FGF12: variants seen among roughly 807,000 people sequenced by gnomAD.
FGF12 encodes fibroblast growth factor 12B.
In FGF12, 14 loss-of-function variants were observed where a neutral mutation model predicts 23.6. That is an observed-to-expected ratio of 0.59 (90% CI 0.39 to 0.93). The LOEUF is 0.93. Among genes scored for constraint, FGF12 ranks in the 40% least tolerant of loss-of-function variants. The probability of loss-of-function intolerance (pLI) is 0.00; values close to 1 mark genes in which losing one functional copy is unlikely to be tolerated. For synonymous variants in FGF12, 62 were observed against 77.3 expected (o/e 0.80, Z 1.04); for missense variants, 175 against 217.8 (o/e 0.80, Z 1.24).
intron 2 of FGF12, among the ~76,000 whole-genome samples, chr3:192,393,233 C>T (rs1259462915): frequency 3.3e-5 from 5 of 152,166 alleles, no homozygotes; most frequent in East Asian, 1.9e-4. Context: ...CCGTGTTCTA[C>T]GTAAGGGACT....
chr3:192,666,118 A>T lies in FGF12; in HGVS notation c.13+61063T>A, dbSNP rs560835817. On this transcript the variant is annotated intron_variant, in intron 2 of 5. Transcript: ENST00000445105. ...CAAAACAATAGCTCTCAATTTGATA[A>T]CAATAGCTCTCAATTTGATAACAAT... Among the ~76,000 whole-genome samples, 4 of 152,366 alleles carry T rather than the reference A, an allele frequency of 2.6e-5. 1 individual carries two copies. The South Asian group carries it at 8.3e-4, about 32-fold the overall frequency.
chr3:192,320,465 G>T lies in FGF12; in HGVS notation c.228+14896C>A, dbSNP rs143945709. ...TTAATCTGCACTATAGATCAAATAG[G>T]CTTAATAAATACAGAGCATTCCATT... On this transcript the variant is annotated intron_variant, in intron 4 of 5. Coordinates refer to ENST00000445105, the MANE Select transcript of FGF12 (RefSeq NM_004113.6). Among the ~76,000 whole-genome samples the T allele has an allele frequency of 1.0e-3, 158 of 152,138 alleles. 1 individual carries two copies. The highest frequency in any genetic ancestry group is 3.6e-3 in the African/African-American group (151 of 41,540).
rs140817799 is a variant in FGF12, at chr3:192,273,368, T to C, written c.228+61993A>G. Among the ~76,000 whole-genome samples the C allele has an allele frequency of 2.7e-3, 408 of 152,184 alleles. 3 individuals carry two copies. Among genetic ancestry groups the C allele is most frequent in the African/African-American group, 9.4e-3 (390 of 41,536 alleles). On this transcript the variant is annotated intron_variant, in intron 4 of 5. Transcript: ENST00000445105. The stretch of plus-strand genomic sequence containing the variant: ...GGAGAAAGAAGAAAACTTCACAAAA[T>C]ACAAACTTGTTAAAAAATAAAGACA...
At chr3:192,230,168 G>A (rs1438661948) in intron 4 of FGF12, among the ~76,000 whole-genome samples, 11 of 152,058 alleles carry the variant, frequency 7.2e-5, no homozygotes, top group African/African-American at 2.2e-4. Flanking sequence ...TCACATGTAA[G>A]TTGGATGGAA....
intron 4 of FGF12, among the ~76,000 whole-genome samples, chr3:192,223,743 T>C (rs1289160089): frequency 1.3e-5 from 2 of 152,120 alleles, no homozygotes; most frequent in Admixed American, 6.6e-5. Context: ...TCAGTGCCCT[T>C]GGGGAGCTAT....
intron 2 of FGF12, among the ~76,000 whole-genome samples, chr3:192,473,024 C>T (rs534505400): frequency 6.6e-6 from 1 of 152,240 alleles, no homozygotes; most frequent in Admixed American, 6.5e-5. Flanking sequence ...CTCTTTAATG[C>T]CGTTTCTGTA....
chr3:192,386,661 T>C (rs1403162117), intron 2 of FGF12, among the ~76,000 whole-genome samples: 1 of 152,196 alleles, frequency 6.6e-6, no homozygotes, highest in Admixed American at 6.5e-5. Context: ...TTTTCTATTT[T>C]TCCTTCTACA....
chr3:192,553,712 A>T (rs923794865), intron 2 of FGF12, among the ~76,000 whole-genome samples: 1 of 152,156 alleles, frequency 6.6e-6, no homozygotes, highest in Non-Finnish European at 1.5e-5. Context: ...CCCGGCTCAG[A>T]GTTGTACAAT....
chr3:192,647,327 T>C (rs1716041832), intron 2 of FGF12, among the ~76,000 whole-genome samples: 2 of 152,082 alleles, frequency 1.3e-5, no homozygotes, highest in Admixed American at 1.3e-4. Flanking sequence ...TATTCATCAA[T>C]GAACTAGAAG....
chr3:192,497,626 C>T (rs73071856), intron 2 of FGF12, among the ~76,000 whole-genome samples: 6,272 of 152,252 alleles, frequency 0.041, 423 homozygotes, highest in African/African-American at 0.14. Flanking sequence ...TTTAAATATG[C>T]CAAGTTTTTT....
intron 4 of FGF12, among the ~76,000 whole-genome samples, chr3:192,317,099 G>A (rs892751263): frequency 3.3e-5 from 5 of 152,072 alleles, no homozygotes; most frequent in Admixed American, 1.3e-4. Context: ...GAGGCCACAG[G>A]CCTTGGGTGA....
intron 2 of FGF12, among the ~76,000 whole-genome samples, chr3:192,569,448 G>A (rs900419992): frequency 3.3e-5 from 5 of 152,170 alleles, no homozygotes; most frequent in Admixed American, 1.3e-4. Context: ...GCAAAGGAAC[G>A]TCTGGAGAAT....
Position 192,418,308 on chromosome 3 carries a change from C to T in FGF12, c.14-57770G>A, listed in dbSNP as rs182896591. ...AACAAACATAATTAATTAGAGTCTCCAAGCTGTATCTCTGGGGTGAGTTAG... is the reference window on the plus strand; with the variant it reads ...AACAAACATAATTAATTAGAGTCTCTAAGCTGTATCTCTGGGGTGAGTTAG... On this transcript the variant is annotated intron_variant, in intron 2 of 5. Transcript: ENST00000445105. 1.8e-3 allele frequency among the ~76,000 whole-genome samples: 280 copies of T among 152,206 alleles called. 1 individual carries two copies. The highest frequency in any genetic ancestry group is 3.1e-3 in the Admixed American group (48 of 15,282).
chr3:192,595,915 A>G (rs1360520727), intron 2 of FGF12, among the ~76,000 whole-genome samples: 1 of 151,884 alleles, frequency 6.6e-6, no homozygotes, highest in Admixed American at 6.6e-5. Context: ...CAACATGGTG[A>G]AACCCTGTTT....
At chr3:192,651,799 G>A (rs1461860991) in intron 2 of FGF12, among the ~76,000 whole-genome samples, 1 of 152,148 alleles carries the variant, frequency 6.6e-6, no homozygotes, top group African/African-American at 2.4e-5. Context: ...TGAGAGTTAG[G>A]ACCCTTTGAT....
chr3:192,270,671 C>CAG (rs1713374264), intron 4 of FGF12, among the ~76,000 whole-genome samples: 1 of 151,964 alleles, frequency 6.6e-6, no homozygotes, highest in Non-Finnish European at 1.5e-5. Flanking sequence ...AAATATGTTT[C>CAG]CACACTTACA....
chr3:192,539,382 G>T (rs1205329794), intron 2 of FGF12, among the ~76,000 whole-genome samples: 1 of 152,064 alleles, frequency 6.6e-6, no homozygotes, highest in African/African-American at 2.4e-5. Context: ...TAATTTTTCA[G>T]CATCAATTGA....
intron 2 of FGF12, among the ~76,000 whole-genome samples, chr3:192,682,544 C>T (rs928174077): frequency 6.6e-6 from 1 of 152,184 alleles, no homozygotes; most frequent in African/African-American, 2.4e-5. Flanking sequence ...TGTATGAGGT[C>T]CCAATAGATA....
chr3:192,436,816 T>G (rs192423747), intron 2 of FGF12, among the ~76,000 whole-genome samples: 1 of 152,176 alleles, frequency 6.6e-6, no homozygotes, highest in Non-Finnish European at 1.5e-5. Context: ...CCCCCTTTTT[T>G]GGGTAGCTGA....
Sources: gnomAD v4.1 joint callset for allele counts (sites outside exome capture counted in the v4.1 genomes callset) on GRCh38, gnomAD v4.1.1 for gene constraint, MANE v1.5 for transcripts, NCBI Gene and HGNC (gene_info 2026-07-23, HGNC 2026-07-21) for gene names.